PDE8A: variants seen among roughly 807,000 people sequenced by gnomAD.
PDE8A encodes phosphodiesterase 8A.
In PDE8A, 59 loss-of-function variants were observed where a neutral mutation model predicts 105.0. The observed-to-expected ratio is 0.56, with a 90% CI of 0.46 to 0.70. The LOEUF is 0.70. PDE8A is among the 30% of genes least tolerant of loss of function. The pLI is 0.00. For missense variants in PDE8A, 1,014 were observed against 1,045.9 expected (o/e 0.97, Z 0.42); for synonymous variants, 355 against 371.9 (o/e 0.95, Z 0.52).
chr15:85,033,797 A>G (rs1159961465), intron 1 of PDE8A, among the ~76,000 whole-genome samples: 2 of 152,202 alleles, frequency 1.3e-5, no homozygotes, highest in African/African-American at 2.4e-5. Flanking sequence ...CCTGGGAGGC[A>G]GAGGTTGCAG....
chr15:85,026,771 A>AAAAAC (rs1367423309), intron 1 of PDE8A, among the ~76,000 whole-genome samples: 2 of 152,292 alleles, frequency 1.3e-5, no homozygotes, highest in African/African-American at 4.8e-5. Flanking sequence ...TCTCAAAACA[A>AAAAAC]AAAACAAAAC....
chr15:85,049,056 C>A (rs191442510), intron 1 of PDE8A, among the ~76,000 whole-genome samples: 3 of 151,954 alleles, frequency 2.0e-5, no homozygotes, highest in Non-Finnish European at 4.4e-5. Context: ...GAGCTGAGAT[C>A]GCGCCACTGC....
intron 1 of PDE8A, among the ~76,000 whole-genome samples, chr15:85,004,557 C>T (rs1205697947): frequency 6.6e-6 from 1 of 152,188 alleles, no homozygotes; most frequent in African/African-American, 2.4e-5. Context: ...CTGGACTCTG[C>T]GTTAGCATGA....
chr15:85,023,155 T>C (rs1245270250), intron 1 of PDE8A, among the ~76,000 whole-genome samples: 1 of 152,200 alleles, frequency 6.6e-6, no homozygotes, highest in East Asian at 1.9e-4. Context: ...CATTTTGCTT[T>C]GTGAAATAGG....
intron 2 of PDE8A, among the ~76,000 whole-genome samples, 157 bp downstream of exon 2, chr15:85,064,583 A>G (rs1041214002): frequency 8.5e-5 from 13 of 152,248 alleles, no homozygotes; most frequent in African/African-American, 2.2e-4. Flanking sequence ...TTATAGTTAT[A>G]TAAGAGAATA....
intron 12 of PDE8A, among the ~76,000 whole-genome samples, chr15:85,111,919 T>C (rs1323229735): frequency 6.6e-6 from 1 of 152,220 alleles, no homozygotes; most frequent in African/African-American, 2.4e-5. Context: ...TATTCTTAGG[T>C]ATTGATGGTT....
At chr15:85,122,925 T>C (rs1042428867) in intron 18 of PDE8A, 136 bp from the exon 19 acceptor site, 47 of 853,544 alleles carry the variant, frequency 5.5e-5, no homozygotes, top group Non-Finnish European at 8.1e-5. Flanking sequence ...CTTTTTAAAA[T>C]GTGCCTTGTG....
chr15:85,027,715 ATTTC>A (rs148677755), intron 1 of PDE8A, among the ~76,000 whole-genome samples: 13 of 152,294 alleles, frequency 8.5e-5, no homozygotes, highest in African/African-American at 3.1e-4. Flanking sequence ...CTGTGCTTTT[ATTTC>A]TTCTTATTAA....
intron 4 of PDE8A, 131 bp downstream of exon 4, chr15:85,076,049 CTTTAT>C (rs2081376110): frequency 9.7e-6 from 5 of 517,482 alleles, no homozygotes; most frequent in Non-Finnish European, 1.7e-5. Flanking sequence ...CTTCTTTATT[CTTTAT>C]TTTATTTTGC....
chr15:85,054,801 G>T (rs537654933), intron 1 of PDE8A, among the ~76,000 whole-genome samples: 10 of 151,990 alleles, frequency 6.6e-5, no homozygotes, highest in African/African-American at 1.4e-4. Context: ...TTTTTGTGTC[G>T]CTATCTCCTT....
chr15:85,047,024 A>G (rs1038321779), intron 1 of PDE8A, among the ~76,000 whole-genome samples: 2 of 152,248 alleles, frequency 1.3e-5, no homozygotes, highest in Non-Finnish European at 2.9e-5. Flanking sequence ...TTAAAAGTAT[A>G]AAAGATTAAG....
At chr15:85,008,193 GCAGAAAGTCCTATTCCAGGACTT>G in intron 1 of PDE8A, among the ~76,000 whole-genome samples, 1 of 151,920 alleles carries the variant, frequency 6.6e-6, no homozygotes, top group African/African-American at 2.4e-5. Flanking sequence ...TGTGGCCTTT[GCAGAAAGTCCTATTCCAGGACTT>G]TCCCTACAGT....
chr15:85,137,647 C>T lies in PDE8A; in HGVS notation c.2384-150C>T, dbSNP rs558156421. On this transcript the variant is annotated intron_variant, in intron 21 of 21. Coordinates refer to ENST00000394553, the MANE Select transcript of PDE8A (RefSeq NM_002605.3). ...GGTTTAACTTCAGTCAGCCACGGCT[C>T]GTTGAAGCTGCTGGGTGTGTTTGCC... The T allele has an allele frequency of 4.2e-5, 25 of 593,108 alleles. No individual in the cohort carries two copies. In the South Asian group the frequency reaches 4.4e-4, roughly 10 times the overall value. The allele number at this position is 593,108 out of a possible 1,614,324, so 36.7% of individuals were successfully genotyped here. A position where few individuals can be genotyped will look rare whatever the true frequency, so the allele number is the denominator to read the frequency against.
At chr15:85,096,329 T>C (rs2081752304) in intron 8 of PDE8A, among the ~76,000 whole-genome samples, 1 of 152,100 alleles carries the variant, frequency 6.6e-6, no homozygotes, top group African/African-American at 2.4e-5. Flanking sequence ...CATGGTGGTA[T>C]GTGCCTGTGG....
At chr15:85,066,570 A>C (rs2081228336) in intron 2 of PDE8A, among the ~76,000 whole-genome samples, 1 of 133,450 alleles carries the variant, frequency 7.5e-6, no homozygotes, top group Non-Finnish European at 1.6e-5. Context: ...TTGCCCACCC[A>C]CCATCCCCCC....
At chr15:84,994,566 A>G (rs2079944216) in intron 1 of PDE8A, among the ~76,000 whole-genome samples, 2 of 152,250 alleles carry the variant, frequency 1.3e-5, no homozygotes, top group South Asian at 2.1e-4. Context: ...TGTGTACCCA[A>G]TGCCTGTATT....
At chr15:85,038,222 T>G (rs1270406829) in intron 1 of PDE8A, among the ~76,000 whole-genome samples, 1 of 19,090 alleles carries the variant, frequency 5.2e-5, no homozygotes, top group Non-Finnish European at 2.0e-4. Context: ...GGGGGGTGTG[T>G]GTGTGTGTGT....
intron 1 of PDE8A, among the ~76,000 whole-genome samples, chr15:85,037,688 C>A (rs554266337): frequency 2.7e-3 from 408 of 152,210 alleles, no homozygotes; most frequent in Non-Finnish European, 4.6e-3. Context: ...ATACGAATGC[C>A]TTTTTGGGAC....
chr15:85,121,063 A>G (rs2082174010), intron 18 of PDE8A, 49 bp downstream of exon 18: 1 of 1,136,202 alleles, frequency 8.8e-7, no homozygotes, highest in Non-Finnish European at 1.3e-6. Flanking sequence ...TTCTTTTTTA[A>G]ACAGCTATAT....
Sources: gnomAD v4.1 joint callset for allele counts (sites outside exome capture counted in the v4.1 genomes callset) on GRCh38, gnomAD v4.1.1 for gene constraint, MANE v1.5 for transcripts, NCBI Gene and HGNC (gene_info 2026-07-23, HGNC 2026-07-21) for gene names.